FAP: variants seen among roughly 807,000 people sequenced by gnomAD.
FAP encodes the protein fibroblast activation protein alpha.
FAP carries 110 observed loss-of-function variants against 126.5 expected under a neutral mutation model. That is an observed-to-expected ratio of 0.87 (90% CI 0.74 to 1.02). The LOEUF is 1.02. Among genes scored for constraint, FAP ranks in the 50% least tolerant of loss-of-function variants. FAP has a pLI of 0.00. For synonymous variants in FAP, 334 were observed against 297.3 expected (o/e 1.12, Z -1.27); for missense variants, 919 against 909.2 (o/e 1.01, Z -0.14).
At chr2:162,239,562 C>A (rs1027403463) in intron 2 of FAP, among the ~76,000 whole-genome samples, 1 of 151,948 alleles carries the variant, frequency 6.6e-6, no homozygotes, top group Non-Finnish European at 1.5e-5. Context: ...GCTCTCTACT[C>A]TCGGAATTAA....
chr2:162,219,203 G>T lies in FAP; in HGVS notation c.487-20C>A, dbSNP rs1689284156. ...ATATGCCTAAAAGTGGTGGTAAGGG[G>T]AAATTCCACAACAAATTAAATGAAG... On this transcript the variant is annotated intron_variant, in intron 7 of 25. Transcript: ENST00000188790. 6.3e-7 allele frequency: 1 copy of T among 1,593,876 alleles called. No individual in the cohort carries two copies.
chr2:162,211,404 T>C (rs1559781260), intron 11 of FAP, among the ~76,000 whole-genome samples: 1 of 152,096 alleles, frequency 6.6e-6, no homozygotes, highest in Non-Finnish European at 1.5e-5. Context: ...TTATTGGAGG[T>C]TTTTATGTTG....
In FAP at chr2:162,170,722, T is replaced by C. The variant is rs915324277; in HGVS notation, c.*257A>G. The C allele has an allele frequency of 2.6e-6, 1 of 378,960 alleles. No individual in the cohort carries two copies. The highest frequency in any genetic ancestry group is 4.8e-6 in the Non-Finnish European group (1 of 208,444). 23.5% of individuals were successfully genotyped at this position (378,960 alleles called of 1,614,324 possible). On this transcript the variant is annotated 3_prime_UTR_variant, in exon 26 of 26. Transcript: ENST00000188790. Reference sequence around the variant, plus strand: ...TCTGACTTTATTATTTTTCTTCAAATGAACAGGTGATAAAACACTGTGTCC... The same window carrying C: ...TCTGACTTTATTATTTTTCTTCAAACGAACAGGTGATAAAACACTGTGTCC...
intron 16 of FAP, among the ~76,000 whole-genome samples, chr2:162,198,471 A>G (rs1688352078): frequency 6.6e-6 from 1 of 152,192 alleles, no homozygotes; most frequent in Non-Finnish European, 1.5e-5. Flanking sequence ...AGAGCATGGG[A>G]CTTAGAGGCA....
intron 12 of FAP, among the ~76,000 whole-genome samples, chr2:162,204,590 C>T (rs1196038891): frequency 6.6e-6 from 1 of 152,136 alleles, no homozygotes; most frequent in African/African-American, 2.4e-5. Context: ...ACAAACAATG[C>T]TCAGGGATTT....
At position 162,243,382 on chromosome 2, in the gene FAP, G is replaced by T. The variant is rs201837965; in HGVS notation, c.-55C>A. The T allele has an allele frequency of 5.8e-5, 92 of 1,593,446 alleles. No individual in the cohort carries two copies. The highest frequency in any genetic ancestry group is 7.8e-5 in the Non-Finnish European group (91 of 1,172,766). On this transcript the variant is annotated 5_prime_UTR_variant, in exon 1 of 26. Coordinates refer to ENST00000188790, the MANE Select transcript of FAP (RefSeq NM_004460.5). ...TTCTGTCTTCAGAGCGTGGGTCACT[G>T]GATCTGTGAAAACCGTTGAAAAGGA...
intron 21 of FAP, among the ~76,000 whole-genome samples, chr2:162,179,790 C>CCA: frequency 8.7e-6 from 1 of 115,550 alleles, no homozygotes; most frequent in Non-Finnish European, 1.7e-5. Context: ...ATCTATCTAT[C>CCA]TATATATATA....
intron 16 of FAP, chr2:162,198,533 G>T: frequency 2.8e-6 from 2 of 716,144 alleles, no homozygotes; most frequent in Non-Finnish European, 2.1e-6. Flanking sequence ...CGGACCTTTT[G>T]GCAAGTTACC....
chr2:162,239,181 G>A (rs1690253240), intron 2 of FAP, among the ~76,000 whole-genome samples: 1 of 151,964 alleles, frequency 6.6e-6, no homozygotes, highest in African/African-American at 2.4e-5. Flanking sequence ...AAAGGTGCAT[G>A]CCACCATGCC....
rs759125672 is a variant in FAP at position 162,194,707 on chromosome 2, C to G, written c.1444G>C (p.Asp482His). 1 of 1,613,386 alleles carries G rather than the reference C, an allele frequency of 6.2e-7. No individual in the cohort carries two copies. The highest frequency in any genetic ancestry group is 8.5e-7 in the Non-Finnish European group (1 of 1,179,622). The part of the protein sequence containing the change: ...PISTLHDGRT[D>H]QEIKILEENK... ...AACATGCAAGAGAGAGTACCTTGAT[C>G]AGTGCGTCCATCATGAAGGGTGGAA... is the stretch of plus-strand genomic sequence containing the variant. Residue 482 changes from aspartate to histidine, a missense_variant, in exon 17 of 26, where the codon GAT becomes CAT. Transcript: ENST00000188790.
At chr2:162,185,075 G>A (rs886626752) in intron 20 of FAP, among the ~76,000 whole-genome samples, 5 of 152,138 alleles carry the variant, frequency 3.3e-5, no homozygotes, top group African/African-American at 4.8e-5. Context: ...CCAGACCAAC[G>A]AGGCACTATA....
intron 2 of FAP, among the ~76,000 whole-genome samples, chr2:162,234,949 C>G (rs984888940): frequency 6.6e-6 from 1 of 152,162 alleles, no homozygotes; most frequent in African/African-American, 2.4e-5. Flanking sequence ...GCCCCACACT[C>G]CCAGCGGCCC....
In FAP at chr2:162,226,959, A is replaced by T. The variant is rs530776077; in HGVS notation, c.92-338T>A. 7.2e-5 allele frequency among the ~76,000 whole-genome samples: 11 copies of T among 152,266 alleles called. No individual in the cohort carries two copies. In the East Asian group the frequency reaches 1.5e-3, roughly 21 times the overall value. The stretch of plus-strand genomic sequence containing the variant: ...AGAGTTGTCAAGGTTTTCCAGAAGG[A>T]AGATGAGATGAGGTTCCAACAACTC... On this transcript the variant is annotated intron_variant, in intron 2 of 25. Transcript: ENST00000188790.
rs369574236 is a variant in FAP at position 162,188,234 on chromosome 2, T to C, written c.1749A>G (p.Lys583=). The change falls in exon 20 of 26, where the codon AAA becomes AAG. Residue 583 remains lysine (K), a synonymous_variant. Coordinates refer to ENST00000188790, the MANE Select transcript of FAP (RefSeq NM_004460.5). ...DGRGTAFQGD[K]LLYAVYRKLG... ...GCTTTCGATACACTGCATAGAGGAGTTTGTCACCTTGGAAAGCTGTTCCTC... is the reference window on the plus strand; with the variant it reads ...GCTTTCGATACACTGCATAGAGGAGCTTGTCACCTTGGAAAGCTGTTCCTC... 7.4e-6 allele frequency: 12 copies of C among 1,613,188 alleles called. No individual in the cohort carries two copies. Among genetic ancestry groups the C allele is most frequent in the Non-Finnish European group, 9.3e-6 (11 of 1,179,486 alleles).
At position 162,188,215 on chromosome 2, in the gene FAP, G is replaced by C; in HGVS notation, c.1768C>G (p.Arg590Gly). ...QGDKLLYAVYRKLGVYEVEDQ... is the reference protein window; with the variant it reads ...QGDKLLYAVYGKLGVYEVEDQ... ...TCAACTTCATAAACACCCAGCTTTCGATACACTGCATAGAGGAGTTTGTCA... is the reference window on the plus strand; with the variant it reads ...TCAACTTCATAAACACCCAGCTTTCCATACACTGCATAGAGGAGTTTGTCA... The change falls in exon 20 of 26, where the codon CGA becomes GGA. Residue 590 changes from arginine (R) to glycine (G), a missense_variant. Transcript: ENST00000188790. 1 of 1,613,012 alleles carries C rather than the reference G, an allele frequency of 6.2e-7. No individual in the cohort carries two copies. Among genetic ancestry groups the C allele is most frequent in the African/African-American group, 1.3e-5 (1 of 74,898 alleles).
intron 2 of FAP, among the ~76,000 whole-genome samples, chr2:162,242,589 TA>T (rs1484229332): frequency 2.0e-5 from 3 of 152,176 alleles, no homozygotes; most frequent in African/African-American, 7.2e-5. Context: ...CAATGTTAGT[TA>T]AAAATGTTGT....
At chr2:162,198,309 G>T in intron 16 of FAP, 1 of 1,289,068 alleles carries the variant, frequency 7.8e-7, no homozygotes, top group Non-Finnish European at 1.0e-6. Flanking sequence ...CTGGATGTGA[G>T]AGTTTGATAT....
intron 23 of FAP, 123 bp downstream of exon 23, chr2:162,173,600 T>A (rs1012654026): frequency 4.2e-6 from 3 of 713,316 alleles, no homozygotes; most frequent in South Asian, 1.8e-5. Context: ...TGTTTTGCAA[T>A]TAACAAAAGA....
chr2:162,188,154 T>C lies in FAP; in HGVS notation c.1814+15A>G, dbSNP rs139343717. On this transcript the variant is annotated intron_variant, in intron 20 of 25. Coordinates refer to ENST00000188790, the MANE Select transcript of FAP (RefSeq NM_004460.5). ...TGTTGCATGTTGACATCTGCTTGAA[T>C]GAGAAGGTGCTCACCTGACAGCTGT... 3,234 of 1,603,574 alleles carry C rather than the reference T, an allele frequency of 2.0e-3. 7 individuals carry two copies. Among genetic ancestry groups the C allele is most frequent in the Middle Eastern group, 2.5e-3 (15 of 6,022 alleles).
Sources: allele counts gnomAD v4.1 joint callset (sites outside exome capture counted in the v4.1 genomes callset), GRCh38; gene constraint gnomAD v4.1.1; transcripts MANE v1.5; gene names NCBI Gene and HGNC (gene_info 2026-07-23, HGNC 2026-07-21).